Variants in ERI1 observed in about 807,000 individuals in gnomAD.
The protein encoded by ERI1 is 3'-5' exoribonuclease 1.
ERI1 carries 39 observed loss-of-function variants against 39.7 expected under a neutral mutation model. The ratio of observed to expected loss-of-function variants is 0.98; its 90% CI spans 0.76 to 1.28. The LOEUF is 1.28. ERI1 is among the 50% of genes most tolerant of loss of function. The probability of loss-of-function intolerance (pLI) is 0.00; values close to 1 mark genes in which losing one functional copy is unlikely to be tolerated. For synonymous variants in ERI1, 204 were observed against 149.6 expected, an observed-to-expected ratio of 1.36 and a Z score of -2.65; for missense variants, 581 against 416.9, an observed-to-expected ratio of 1.39 and a Z score of -3.43.
intron 6 of ERI1, among the ~76,000 whole-genome samples, chr8:9,021,419 T>C (rs1340065548): frequency 6.6e-6 from 1 of 151,632 alleles, no homozygotes; most frequent in Non-Finnish European, 1.5e-5. Context: ...ACTATGTCAT[T>C]TTTCTCCCTT....
chr8:9,078,558 C>A (rs1799276053), intron 3 of ERI1, among the ~76,000 whole-genome samples: 1 of 152,150 alleles, frequency 6.6e-6, no homozygotes, highest in Admixed American at 6.5e-5. Flanking sequence ...TAAGTCTAAT[C>A]AATATGACAG....
rs539445687 is a variant in ERI1 at position 9,020,389 on chromosome 8, A to G, written c.732A>G (p.Gln244=). 6.2e-7 allele frequency: 1 copy of G among 1,606,572 alleles called. No individual in the cohort carries two copies. Among genetic ancestry groups the G allele is most frequent in the Admixed American group, 1.7e-5 (1 of 58,648 alleles). The change falls in exon 6 of 7, where the codon CAA becomes CAG. Residue 244 remains glutamine, a synonymous_variant. Transcript: ENST00000250263. The stretch of plus-strand genomic sequence containing the variant: ...GTAAGTTCTTGAACATTCAGTGTCA[A>G]CTCAGCAGGCTCAAATACCCTCCTT... ...DMSKFLNIQC[Q]LSRLKYPPFA...
chr8:9,082,134 C>T (rs1563094507), intron 3 of ERI1, among the ~76,000 whole-genome samples: 1 of 152,170 alleles, frequency 6.6e-6, no homozygotes, highest in Non-Finnish European at 1.5e-5. Context: ...GAAGTTTAGT[C>T]TCTTTCTAGA....
At chr8:9,003,271 C>G (rs1815569237) in intron 1 of ERI1, 100 bp downstream of exon 1, 7 of 698,704 alleles carry the variant, frequency 1.0e-5, no homozygotes, top group Non-Finnish European at 1.2e-5. Context: ...GAAGGTGCAG[C>G]TGTGCGCCCT....
chr8:9,004,708 C>T lies in ERI1; in HGVS notation c.108+1537C>T, dbSNP rs1178749529. Reference sequence around the variant, plus strand: ...ACTTTTTTTTTTTTTTTTTTGGAGACGGAGTTTCGTTCTTGTTGCCCAGTC... The same window carrying T: ...ACTTTTTTTTTTTTTTTTTTGGAGATGGAGTTTCGTTCTTGTTGCCCAGTC... On this transcript the variant is annotated intron_variant, in intron 1 of 6. Transcript: ENST00000250263. Among the ~76,000 whole-genome samples, 293 of 140,720 alleles carry T rather than the reference C, an allele frequency of 2.1e-3. 1 individual carries two copies. Among genetic ancestry groups the T allele is most frequent in the African/African-American group, 7.1e-3 (270 of 37,780 alleles). The allele number at this position is 140,720 out of a possible 152,430, so 92.3% of individuals were successfully genotyped here. A position where few individuals can be genotyped will look rare whatever the true frequency, so the allele number is the denominator to read the frequency against.
At chr8:9,015,662 C>G (rs1049933898) in intron 3 of ERI1, among the ~76,000 whole-genome samples, 2 of 136,944 alleles carry the variant, frequency 1.5e-5, no homozygotes, top group Admixed American at 8.5e-5. Context: ...GCGGAGCTTG[C>G]AGTGAGCCGA....
chr8:9,035,027 T>C (rs773578711), downstream of ERI1, among the ~76,000 whole-genome samples: 3 of 152,208 alleles, frequency 2.0e-5, no homozygotes, highest in South Asian at 2.1e-4. Context: ...AACTGTCTCA[T>C]ATTCTGTGAG....
rs976702262 is a variant in ERI1 at position 9,030,130 on chromosome 8, A to C, written c.*96A>C. ...TAGTCCTGTAGTGCAAACTTTAAGC[A>C]CCTTAAAACATTTAAAATCTTATTA... On this transcript the variant is annotated 3_prime_UTR_variant, in exon 7 of 7. Coordinates refer to ENST00000250263, the MANE Select transcript of ERI1 (RefSeq NM_153332.4). 2 of 1,459,594 alleles carry C rather than the reference A, an allele frequency of 1.4e-6. No homozygotes were observed. Among genetic ancestry groups the C allele is most frequent in the Non-Finnish European group, 1.9e-6 (2 of 1,072,162 alleles). 90.4% of individuals were successfully genotyped at this position (1,459,594 alleles called of 1,614,324 possible).
rs1817286420 is a variant in ERI1, at chr8:9,016,355, A to T, written c.532A>T (p.Ile178Phe). Reference protein sequence around the residue: ...DTFQQYVRPEINTQLSDFCIS... With the variant: ...DTFQQYVRPEFNTQLSDFCIS... Reference sequence around the variant, plus strand: ...GTTTCAGCAGTATGTAAGACCAGAGATTAACACACAGCTGTCTGATTTCTG... The same window carrying T: ...GTTTCAGCAGTATGTAAGACCAGAGTTTAACACACAGCTGTCTGATTTCTG... Residue 178 changes from isoleucine to phenylalanine, a missense_variant, in exon 4 of 7, where the codon ATT becomes TTT. Ile to Phe is a conservative substitution (Grantham distance 21, BLOSUM62 0). Transcript: ENST00000250263. The T allele has an allele frequency of 1.2e-6, 2 of 1,607,714 alleles. No individual in the cohort carries two copies. Among genetic ancestry groups the T allele is most frequent in the East Asian group, 4.5e-5 (2 of 44,400 alleles).
intron 3 of ERI1, among the ~76,000 whole-genome samples, chr8:9,093,293 T>C (rs1437258574): frequency 6.6e-6 from 1 of 152,134 alleles, no homozygotes; most frequent in East Asian, 1.9e-4. Context: ...TTTATGAATC[T>C]GTGTTGGGCC....
At chr8:9,086,849 A>T (rs1012413644) in intron 3 of ERI1, among the ~76,000 whole-genome samples, 1 of 152,180 alleles carries the variant, frequency 6.6e-6, no homozygotes, top group African/African-American at 2.4e-5. Flanking sequence ...TCAAACCATT[A>T]TTCTGTATGT....
chr8:9,062,737 C>G (rs1329541470), intron 3 of ERI1: 1 of 151,396 alleles, frequency 6.6e-6, no homozygotes, highest in East Asian at 2.0e-4. Flanking sequence ...AGGAGTCAGT[C>G]AGAGAGCCTT....
intron 3 of ERI1, among the ~76,000 whole-genome samples, chr8:9,071,005 C>G (rs1799030618): frequency 6.6e-6 from 1 of 152,130 alleles, no homozygotes. Flanking sequence ...AGTGAACGGG[C>G]TCTATCTTCT....
intron 3 of ERI1, among the ~76,000 whole-genome samples, chr8:9,076,639 C>T (rs992092311): frequency 1.3e-5 from 2 of 152,206 alleles, no homozygotes; most frequent in African/African-American, 4.8e-5. Context: ...ATACCATGTG[C>T]TTCTCTTTCT....
At chr8:9,052,837 T>C (rs1250947212) in intron 3 of ERI1, among the ~76,000 whole-genome samples, 2 of 152,152 alleles carry the variant, frequency 1.3e-5, no homozygotes, top group Non-Finnish European at 2.9e-5. Context: ...TTTATGCTAT[T>C]GAGGTGAATC....
intron 3 of ERI1, among the ~76,000 whole-genome samples, chr8:9,013,900 C>G (rs1413014396): frequency 6.6e-6 from 1 of 152,192 alleles, no homozygotes; most frequent in Admixed American, 6.5e-5. Flanking sequence ...AACTGAACTG[C>G]TGTGACTTCA....
chr8:9,075,055 C>G (rs565967948), intron 3 of ERI1, among the ~76,000 whole-genome samples: 57 of 152,296 alleles, frequency 3.7e-4, no homozygotes, highest in African/African-American at 1.3e-3. Context: ...GCCAAAGGCC[C>G]TATATGGCCA....
intron 3 of ERI1, among the ~76,000 whole-genome samples, chr8:9,041,336 G>A (rs989553085): frequency 1.2e-4 from 18 of 152,150 alleles, no homozygotes; most frequent in African/African-American, 4.1e-4. Flanking sequence ...AGGAAGGTAG[G>A]AGAGTAGGAG....
In ERI1 at chr8:9,030,221, C is replaced by A; in HGVS notation, c.*187C>A. The A allele has an allele frequency of 1.4e-6, 1 of 710,856 alleles. No homozygotes were observed. The highest frequency in any genetic ancestry group is 2.0e-5 in the South Asian group (1 of 49,880). 44.0% of individuals were successfully genotyped at this position (710,856 alleles called of 1,614,324 possible). A position where few individuals can be genotyped will look rare whatever the true frequency, so the allele number is the denominator to read the frequency against. ...TAGGAAGGCATACTGAATTCTTTGTCACCAGCACTTTTGATATGAACAGTA... is the reference window on the plus strand; with the variant it reads ...TAGGAAGGCATACTGAATTCTTTGTAACCAGCACTTTTGATATGAACAGTA... On this transcript the variant is annotated 3_prime_UTR_variant, in exon 7 of 7. Transcript: ENST00000250263.
Sources: gnomAD v4.1 joint callset for allele counts (sites outside exome capture counted in the v4.1 genomes callset) on GRCh38, gnomAD v4.1.1 for gene constraint, MANE v1.5 for transcripts, NCBI Gene and HGNC (gene_info 2026-07-23, HGNC 2026-07-21) for gene names.